LSAMP: variants seen among roughly 807,000 people sequenced by gnomAD.
The protein encoded by LSAMP is limbic system associated membrane protein.
Under a neutral mutation model 38.6 loss-of-function variants are expected in LSAMP, and 7 were observed. The ratio of observed to expected loss-of-function variants is 0.18; its 90% CI spans 0.10 to 0.34. The LOEUF (loss-of-function observed/expected upper bound fraction) is 0.34, where lower values mean the gene tolerates loss of function less well. Ranked by LOEUF, LSAMP falls within the 10% of genes least tolerant of loss-of-function variation. The pLI, the probability that LSAMP is intolerant of heterozygous loss-of-function variation, is 1.00. For synonymous variants in LSAMP, 154 were observed against 166.8 expected (o/e 0.92, Z 0.59); for missense variants, 313 against 420.0 (o/e 0.75, Z 2.23).
intron 3 of LSAMP, among the ~76,000 whole-genome samples, chr3:115,933,436 A>G: frequency 6.6e-6 from 1 of 152,242 alleles, no homozygotes; most frequent in East Asian, 1.9e-4. Context: ...GGAATAAAGA[A>G]GAAAAAAATC....
chr3:116,071,093 A>T (rs192782823), intron 2 of LSAMP, among the ~76,000 whole-genome samples: 9 of 147,090 alleles, frequency 6.1e-5, no homozygotes, highest in African/African-American at 2.0e-4. Flanking sequence ...ATAAATAAAT[A>T]AAATAATGTA....
intron 1 of LSAMP, among the ~76,000 whole-genome samples, chr3:116,118,396 T>C (rs1708800634): frequency 6.6e-6 from 1 of 152,228 alleles, no homozygotes; most frequent in African/African-American, 2.4e-5. Flanking sequence ...CTTTTCCCAT[T>C]ACTGGCTTAC....
intron 1 of LSAMP, among the ~76,000 whole-genome samples, chr3:116,411,351 C>T (rs1410834734): frequency 6.6e-6 from 1 of 151,816 alleles, no homozygotes; most frequent in African/African-American, 2.4e-5. Flanking sequence ...GCACTATCCA[C>T]AATAGCAAAG....
chr3:116,186,517 G>T (rs1254062092), intron 1 of LSAMP, among the ~76,000 whole-genome samples: 1 of 152,088 alleles, frequency 6.6e-6, no homozygotes, highest in Non-Finnish European at 1.5e-5. Context: ...AATTAATCAA[G>T]TTCTGTTTAC....
chr3:115,835,864 T>C (rs1934764564), intron 6 of LSAMP, among the ~76,000 whole-genome samples: 1 of 152,210 alleles, frequency 6.6e-6, no homozygotes, highest in African/African-American at 2.4e-5. Context: ...TGTGTGTTAG[T>C]TACACAAGTG....
intron 1 of LSAMP, among the ~76,000 whole-genome samples, chr3:116,440,430 G>A (rs2049417433): frequency 1.3e-5 from 2 of 152,120 alleles, no homozygotes; most frequent in African/African-American, 4.8e-5. Flanking sequence ...GTCACCTTTG[G>A]TTCTTTCCAC....
chr3:116,045,513 A>C (rs1941270310), intron 2 of LSAMP, among the ~76,000 whole-genome samples: 1 of 151,190 alleles, frequency 6.6e-6, no homozygotes, highest in South Asian at 2.1e-4. Context: ...CAGACAGCTC[A>C]AAAATATTTT....
At chr3:116,019,725 G>T in intron 2 of LSAMP, 85 bp from the exon 3 acceptor site, 1 of 1,435,846 alleles carries the variant, frequency 7.0e-7, no homozygotes, top group South Asian at 1.2e-5. Flanking sequence ...GCAAATTCAA[G>T]GTTTTATAAC....
At chr3:115,862,310 G>A (rs548898863) in intron 3 of LSAMP, among the ~76,000 whole-genome samples, 2 of 152,350 alleles carry the variant, frequency 1.3e-5, no homozygotes, top group African/African-American at 4.8e-5. Flanking sequence ...AAGTGAATGT[G>A]TTAAACTCAG....
chr3:116,082,600 G>A (rs9834253), intron 2 of LSAMP, among the ~76,000 whole-genome samples: 2,363 of 152,092 alleles, frequency 0.016, 59 homozygotes, highest in African/African-American at 0.053. Context: ...TGTTCGTTGC[G>A]GCACTGTTCA....
intron 3 of LSAMP, among the ~76,000 whole-genome samples, chr3:115,854,282 A>ATTTTTT (rs35263381): frequency 5.2e-4 from 56 of 107,018 alleles, no homozygotes; most frequent in East Asian, 1.4e-3. Flanking sequence ...TATTATTATT[A>ATTTTTT]TTTTTTTTTT....
intron 3 of LSAMP, among the ~76,000 whole-genome samples, chr3:115,934,190 T>A (rs952988724): frequency 1.3e-5 from 2 of 151,222 alleles, no homozygotes; most frequent in African/African-American, 4.9e-5. Context: ...TTATTTTATT[T>A]TTTTTTCAGT....
intron 1 of LSAMP, among the ~76,000 whole-genome samples, chr3:116,316,900 G>A (rs2047636668): frequency 6.6e-6 from 1 of 152,044 alleles, no homozygotes; most frequent in Non-Finnish European, 1.5e-5. Context: ...CCTGAAAAGA[G>A]GTCACTCAAT....
At chr3:116,096,449 G>A (rs1708228696) in intron 1 of LSAMP, among the ~76,000 whole-genome samples, 1 of 152,158 alleles carries the variant, frequency 6.6e-6, no homozygotes, top group South Asian at 2.1e-4. Context: ...GCATCTGATA[G>A]CCCCTTGGTC....
At chr3:116,276,146 T>C (rs1576476543) in intron 1 of LSAMP, among the ~76,000 whole-genome samples, 1 of 152,150 alleles carries the variant, frequency 6.6e-6, no homozygotes, top group Non-Finnish European at 1.5e-5. Context: ...TATACTTTAA[T>C]ACATAAAAAA....
intron 1 of LSAMP, among the ~76,000 whole-genome samples, chr3:116,225,688 A>G (rs1391161884): frequency 1.3e-5 from 2 of 152,126 alleles, no homozygotes; most frequent in Admixed American, 1.3e-4. Context: ...AATATCGATT[A>G]CATGGCAAAA....
At position 116,404,882 on chromosome 3, in the gene LSAMP, C is replaced by T. The variant is rs1282504967; in HGVS notation, c.155+39995G>A. On this transcript the variant is annotated intron_variant, in intron 1 of 6. Coordinates refer to ENST00000490035, the MANE Select transcript of LSAMP (RefSeq NM_002338.5). ...CAAACATGTGACCAATTCTGTTTCT[C>T]TTCCTCTAAATGTCTCATTTTCTAG... is the stretch of plus-strand genomic sequence containing the variant. Among the ~76,000 whole-genome samples the T allele has an allele frequency of 2.0e-5, 3 of 152,112 alleles. No individual in the cohort carries two copies. In the East Asian group the frequency reaches 5.8e-4, roughly 29 times the overall value.
At chr3:116,327,974 G>C (rs555997200) in intron 1 of LSAMP, among the ~76,000 whole-genome samples, 4 of 152,120 alleles carry the variant, frequency 2.6e-5, no homozygotes, top group South Asian at 2.1e-4. Flanking sequence ...CCTCAATTCT[G>C]TTCCTTATTT....
intron 1 of LSAMP, among the ~76,000 whole-genome samples, chr3:116,171,932 G>A (rs1296501437): frequency 6.6e-6 from 1 of 151,912 alleles, no homozygotes; most frequent in Non-Finnish European, 1.5e-5. Flanking sequence ...AGGCATGCAT[G>A]GATCCTTCAT....
Sources: allele counts gnomAD v4.1 joint callset (sites outside exome capture counted in the v4.1 genomes callset), GRCh38; gene constraint gnomAD v4.1.1; transcripts MANE v1.5; gene names NCBI Gene and HGNC (gene_info 2026-07-23, HGNC 2026-07-21).